The following TENM4 variants were observed in gnomAD, a reference collection of about 807,000 sequenced individuals.
The protein encoded by TENM4 is teneurin transmembrane protein 4.
In TENM4, 82 loss-of-function variants were observed where a neutral mutation model predicts 243.3. The observed-to-expected ratio is 0.34, with a 90% CI of 0.28 to 0.40. The LOEUF (loss-of-function observed/expected upper bound fraction) is 0.40. TENM4 is among the 10% of genes least tolerant of loss of function. The pLI, the probability that TENM4 is intolerant of heterozygous loss-of-function variation, is 1.00. For missense variants in TENM4, 3,138 were observed against 3,673.3 expected (o/e 0.85, Z 3.77); for synonymous variants, 1,412 against 1,456.3 (o/e 0.97, Z 0.69).
At chr11:79,245,448 A>G (rs966700761) in intron 2 of TENM4, among the ~76,000 whole-genome samples, 1 of 152,192 alleles carries the variant, frequency 6.6e-6, no homozygotes, top group Non-Finnish European at 1.5e-5. Context: ...AAGTGAGCAT[A>G]TCATCCCTGG....
At chr11:79,093,190 T>C (rs912071231) in intron 4 of TENM4, 8 of 152,202 alleles carry the variant, frequency 5.3e-5, no homozygotes, top group African/African-American at 1.9e-4. Context: ...GACAAGTCTG[T>C]TTCCTCTTTG....
intron 32 of TENM4, among the ~76,000 whole-genome samples, chr11:78,668,617 C>A (rs1211174415): frequency 6.6e-6 from 1 of 152,050 alleles, no homozygotes; most frequent in Non-Finnish European, 1.5e-5. Context: ...CTTTTACGGT[C>A]AAATAAGTTT....
intron 28 of TENM4, 37 bp from the exon 29 acceptor site, chr11:78,688,263 T>C (rs375946196): frequency 1.9e-6 from 3 of 1,589,360 alleles, no homozygotes; most frequent in Non-Finnish European, 2.6e-6. Flanking sequence ...AGTAGAAATA[T>C]AATGGTGCTC....
intron 1 of TENM4, among the ~76,000 whole-genome samples, chr11:79,404,652 A>T (rs997192152): frequency 1.3e-4 from 20 of 152,358 alleles, no homozygotes; most frequent in Middle Eastern, 3.4e-3. Context: ...AGACAATAAA[A>T]AGAATGTTGC....
chr11:79,354,590 AAAAG>A (rs1857466705), intron 1 of TENM4, among the ~76,000 whole-genome samples: 1 of 152,210 alleles, frequency 6.6e-6, no homozygotes, highest in Admixed American at 6.5e-5. Context: ...TTTTACTTAG[AAAAG>A]AAAGACTCAG....
In TENM4 at chr11:78,889,847, C is replaced by G; in HGVS notation, c.1022G>C (p.Cys341Ser). 6.4e-7 allele frequency: 1 copy of G among 1,551,868 alleles called. No individual in the cohort carries two copies. The highest frequency in any genetic ancestry group is 2.4e-5 in the East Asian group (1 of 40,920). The change falls in exon 9 of 34, where the codon TGC (cysteine) becomes TCC (serine). Residue 341 changes from cysteine to serine, a missense_variant. By Grantham distance (112) the Cys-to-Ser change is moderately radical (BLOSUM62 -1). This residue lies in a region of TENM4 where 671 missense variants were observed against 614.1 expected (regional missense o/e 1.09). Transcript: ENST00000278550. ...KKPSKYCNWK[C>S]AALSAIVISA... Reference sequence around the variant, plus strand: ...GATGACGATGGCGCTCAGGGCTGCGCACTTCCAGTTACAGTACTTGGAGGG... The same window carrying G: ...GATGACGATGGCGCTCAGGGCTGCGGACTTCCAGTTACAGTACTTGGAGGG...
At chr11:79,389,859 G>C (rs925349867) in intron 1 of TENM4, among the ~76,000 whole-genome samples, 30 of 152,182 alleles carry the variant, frequency 2.0e-4, no homozygotes, top group African/African-American at 7.2e-4. Context: ...TATTAGGTAA[G>C]TACTCACATA....
chr11:78,839,806 A>G (rs1229625138), intron 12 of TENM4, among the ~76,000 whole-genome samples: 2 of 152,134 alleles, frequency 1.3e-5, no homozygotes, highest in Non-Finnish European at 2.9e-5. Context: ...CAGTATTTCT[A>G]TGACTTAGTA....
At chr11:78,840,381 C>T in intron 12 of TENM4, among the ~76,000 whole-genome samples, 1 of 151,902 alleles carries the variant, frequency 6.6e-6, no homozygotes, top group South Asian at 2.1e-4. Context: ...AGGAATGAAA[C>T]AAACTGGGCT....
At chr11:79,080,598 C>G (rs1860643181) in intron 4 of TENM4, among the ~76,000 whole-genome samples, 1 of 152,212 alleles carries the variant, frequency 6.6e-6, no homozygotes, top group Non-Finnish European at 1.5e-5. Context: ...GCACCCCTTT[C>G]TCCTGTATCT....
intron 1 of TENM4, among the ~76,000 whole-genome samples, chr11:79,342,043 G>C (rs1857250581): frequency 6.6e-6 from 1 of 152,186 alleles, no homozygotes; most frequent in East Asian, 1.9e-4. Context: ...TGTTCTCTCT[G>C]GGCCATGAAC....
intron 3 of TENM4, among the ~76,000 whole-genome samples, chr11:79,207,086 C>T (rs1007865476): frequency 2.6e-5 from 4 of 152,122 alleles, no homozygotes; most frequent in Admixed American, 6.6e-5. Context: ...CAGAGACTAT[C>T]GGCTGTGGGA....
intron 3 of TENM4, among the ~76,000 whole-genome samples, chr11:79,162,861 C>T (rs1862781819): frequency 6.6e-6 from 1 of 152,208 alleles, no homozygotes; most frequent in Non-Finnish European, 1.5e-5. Flanking sequence ...GCATGCTGAG[C>T]CATGCAGCCT....
At chr11:79,338,575 A>C (rs1343266718) in intron 1 of TENM4, among the ~76,000 whole-genome samples, 1 of 152,216 alleles carries the variant, frequency 6.6e-6, no homozygotes, top group Non-Finnish European at 1.5e-5. Context: ...CTTTACACTA[A>C]TTGTAACTTC....
At chr11:78,684,053 T>C (rs1171219648) in intron 29 of TENM4, among the ~76,000 whole-genome samples, 1 of 152,212 alleles carries the variant, frequency 6.6e-6, no homozygotes, top group African/African-American at 2.4e-5. Flanking sequence ...GGCCAGAATG[T>C]ATGACTCCCT....
At chr11:79,040,684 T>C (rs960419451) in intron 6 of TENM4, among the ~76,000 whole-genome samples, 2 of 152,202 alleles carry the variant, frequency 1.3e-5, no homozygotes, top group Non-Finnish European at 2.9e-5. Context: ...AGGATGATGC[T>C]GCTGCCCCAC....
chr11:79,179,615 T>A (rs1863242693), intron 3 of TENM4, among the ~76,000 whole-genome samples: 1 of 147,024 alleles, frequency 6.8e-6, no homozygotes, highest in South Asian at 2.1e-4. Context: ...ATATTTAGTA[T>A]ATGGATTGAG....
At chr11:78,722,414 G>T (rs1475026197) in intron 24 of TENM4, among the ~76,000 whole-genome samples, 1 of 152,174 alleles carries the variant, frequency 6.6e-6, no homozygotes, top group African/African-American at 2.4e-5. Context: ...CTAATTTTTG[G>T]CTGCTAGCAG....
At chr11:79,232,680 G>A (rs767752129) in intron 2 of TENM4, among the ~76,000 whole-genome samples, 6 of 152,220 alleles carry the variant, frequency 3.9e-5, no homozygotes, top group Non-Finnish European at 7.3e-5. Context: ...CCAGAACACA[G>A]GGAGAATATA....
Sources: allele counts gnomAD v4.1 joint callset (sites outside exome capture counted in the v4.1 genomes callset), GRCh38; gene constraint gnomAD v4.1.1; regional missense constraint gnomAD v4.1.1; transcripts MANE v1.5; gene names NCBI Gene and HGNC (gene_info 2026-07-23, HGNC 2026-07-21).